The following FREM2 variants were observed in gnomAD, a reference collection of about 807,000 sequenced individuals.
FREM2 encodes FRAS1-related extracellular matrix protein 2.
A neutral mutation model predicts 219.9 loss-of-function variants in FREM2; 119 were observed. The observed-to-expected ratio is 0.54, with a 90% confidence interval of 0.47 to 0.63. FREM2 has a LOEUF of 0.63. FREM2 is among the 30% of genes least tolerant of loss of function. FREM2 has a pLI of 0.00. For missense variants in FREM2, 4,030 were observed against 3,993.6 expected, an observed-to-expected ratio of 1.01 and a Z score of -0.25; for synonymous variants, 1,562 against 1,522.8, an observed-to-expected ratio of 1.03 and a Z score of -0.60.
At chr13:38,875,131 C>T (rs1218411366) in intron 18 of FREM2, among the ~76,000 whole-genome samples, 1 of 149,862 alleles carries the variant, frequency 6.7e-6, no homozygotes, top group Admixed American at 6.7e-5. Flanking sequence ...TCGATAAAAT[C>T]CCACGTCTAA....
Position 38,690,049 on chromosome 13 carries a change from A to G in FREM2, c.2705A>G (p.Tyr902Cys), listed in dbSNP as rs1370199338. Residue 902 changes from tyrosine (Y) to cysteine (C), a missense_variant, in exon 1 of 24, where the codon TAT (tyrosine) becomes TGT (cysteine). Physicochemically the swap from Tyr to Cys is radical, Grantham distance 194. Coordinates refer to ENST00000280481, the MANE Select transcript of FREM2 (RefSeq NM_207361.6). The part of the protein sequence containing the change: ...LEDIKQGRVS[Y>C]AHNGDKSLTD... ...GACATAAAACAGGGCCGAGTTTCCT[A>G]TGCCCATAATGGGGACAAGTCCCTG... 11 of 1,613,798 alleles carry G rather than the reference A, an allele frequency of 6.8e-6. No homozygotes were observed. In the Admixed American group the frequency reaches 1.2e-4, roughly 17 times the overall value.
rs1878655999 is a variant in FREM2 at position 38,884,317 on chromosome 13, A to G, written c.*3530A>G. The G allele has an allele frequency of 6.6e-6, 1 of 152,204 alleles. No homozygotes were observed. Among genetic ancestry groups the G allele is most frequent in the African/African-American group, 2.4e-5 (1 of 41,450 alleles). The allele number at this position is 152,204 out of a possible 1,614,324, so 9.4% of individuals were successfully genotyped here. On this transcript the variant is annotated 3_prime_UTR_variant, in exon 24 of 24. Coordinates refer to ENST00000280481, the MANE Select transcript of FREM2 (RefSeq NM_207361.6). ...AAAATGTAAATGGACCTGTGTAAAT[A>G]TCACAGAGAGCTTTTCCTTATACAT...
At chr13:38,692,793 A>C (rs996280366) in intron 1 of FREM2, among the ~76,000 whole-genome samples, 1 of 152,210 alleles carries the variant, frequency 6.6e-6, no homozygotes, top group Admixed American at 6.5e-5. Flanking sequence ...ATTAAAATCG[A>C]AGCAGGCTTT....
chr13:38,735,130 TG>T (rs1465376107), intron 2 of FREM2, among the ~76,000 whole-genome samples: 1 of 152,216 alleles, frequency 6.6e-6, no homozygotes, highest in East Asian at 1.9e-4. Context: ...GCATTCGATC[TG>T]GGGTGATATG....
chr13:38,864,240 G>A (rs1593452645), intron 15 of FREM2, 35 bp from the exon 16 acceptor site: 1 of 1,544,798 alleles, frequency 6.5e-7, no homozygotes, highest in Non-Finnish European at 9.0e-7. Flanking sequence ...TTGGCTACTT[G>A]AAAGACTGTT....
In FREM2 at chr13:38,878,892, T is replaced by C; in HGVS notation, c.8921T>C (p.Leu2974Pro). ...SFGNVLFNAK[L>P]AVDDPEAILL... ...GGAAATGTCCTATTTAATGCCAAAC[T>C]AGCAGTGGATGACCCTGAAGCCATT... The change falls in exon 23 of 24, where the codon CTA (leucine) becomes CCA (proline). Residue 2974 changes from leucine (L) to proline (P), a missense_variant. Leu to Pro is a moderately conservative substitution (Grantham distance 98, BLOSUM62 -3). This residue lies in a region of FREM2 where 928 missense variants were observed against 1,042.9 expected (regional missense o/e 0.89). Coordinates refer to ENST00000280481, the MANE Select transcript of FREM2 (RefSeq NM_207361.6). 6.2e-7 allele frequency: 1 copy of C among 1,614,034 alleles called. No individual in the cohort carries two copies. Among genetic ancestry groups the C allele is most frequent in the Non-Finnish European group, 8.5e-7 (1 of 1,179,888 alleles).
At position 38,875,961 on chromosome 13, in the gene FREM2, T is replaced by C. The variant is rs189981978; in HGVS notation, c.8282-61T>C. On this transcript the variant is annotated intron_variant, in intron 18 of 23. Coordinates refer to ENST00000280481, the MANE Select transcript of FREM2 (RefSeq NM_207361.6). ...ATCATTTATTTTGAAAACTCTAAACTGTTATGCACTCTTTTAATTGAACCA... is the reference window on the plus strand; with the variant it reads ...ATCATTTATTTTGAAAACTCTAAACCGTTATGCACTCTTTTAATTGAACCA... The C allele has an allele frequency of 5.6e-5, 80 of 1,434,528 alleles. 1 individual carries two copies. In the Admixed American group the frequency reaches 9.7e-4, roughly 17 times the overall value. 88.9% of individuals were successfully genotyped at this position (1,434,528 alleles called of 1,614,324 possible).
rs143661642 is a variant in FREM2, at chr13:38,801,807, G to A, written c.6019+16999G>A. 9.8e-5 allele frequency among the ~76,000 whole-genome samples: 15 copies of A among 152,288 alleles called. No individual in the cohort carries two copies. The East Asian group carries it at 2.1e-3, about 22-fold the overall frequency. On this transcript the variant is annotated intron_variant, in intron 6 of 23. Coordinates refer to ENST00000280481, the MANE Select transcript of FREM2 (RefSeq NM_207361.6). ...TTAGTGGGTCATGGTGGCCCAGTTC[G>A]TTGGCTTTCATGTGGCTTGCTCAGA... is the stretch of plus-strand genomic sequence containing the variant.
At chr13:38,707,677 A>T (rs550239508) in intron 2 of FREM2, among the ~76,000 whole-genome samples, 1 of 152,334 alleles carries the variant, frequency 6.6e-6, no homozygotes, top group African/African-American at 2.4e-5. Context: ...TTTTAAGAAT[A>T]GTTCAAGAGT....
At chr13:38,814,888 G>A (rs1875700466) in intron 6 of FREM2, among the ~76,000 whole-genome samples, 1 of 152,200 alleles carries the variant, frequency 6.6e-6, no homozygotes, top group Non-Finnish European at 1.5e-5. Context: ...CACCACCAAT[G>A]TTGGCATAAA....
chr13:38,760,948 T>C (rs1276552194), intron 2 of FREM2, among the ~76,000 whole-genome samples: 8 of 152,072 alleles, frequency 5.3e-5, no homozygotes, highest in Non-Finnish European at 1.5e-5. Context: ...TGCTGTTTTA[T>C]AAAAACTGAA....
intron 6 of FREM2, among the ~76,000 whole-genome samples, chr13:38,842,913 TG>T (rs1485684179): frequency 6.6e-6 from 1 of 152,194 alleles, no homozygotes; most frequent in Admixed American, 6.5e-5. Context: ...TCCCCAACCT[TG>T]AGAAGCGCAT....
chr13:38,732,633 G>A (rs1230046107), intron 2 of FREM2, among the ~76,000 whole-genome samples: 1 of 152,188 alleles, frequency 6.6e-6, no homozygotes, highest in Admixed American at 6.6e-5. Flanking sequence ...CTGCTTACAT[G>A]TGGTGCCCCG....
chr13:38,854,339 G>T (rs1440970957), intron 11 of FREM2, among the ~76,000 whole-genome samples: 1 of 151,996 alleles, frequency 6.6e-6, no homozygotes, highest in Non-Finnish European at 1.5e-5. Flanking sequence ...ACAAAACCTT[G>T]AATGCTTACA....
intron 6 of FREM2, among the ~76,000 whole-genome samples, chr13:38,817,286 C>T (rs1180215850): frequency 6.6e-6 from 1 of 152,076 alleles, no homozygotes; most frequent in Non-Finnish European, 1.5e-5. Context: ...AAGCTGGAAG[C>T]TTCATACTAC....
At chr13:38,862,820 T>G (rs918710505) in intron 15 of FREM2, among the ~76,000 whole-genome samples, 2 of 152,216 alleles carry the variant, frequency 1.3e-5, no homozygotes, top group African/African-American at 4.8e-5. Flanking sequence ...AAGTCTACTT[T>G]TGAGACATAA....
chr13:38,859,399 C>G lies in FREM2; in HGVS notation c.7328C>G (p.Pro2443Arg). 1 of 1,614,210 alleles carries G rather than the reference C, an allele frequency of 6.2e-7. No individual in the cohort carries two copies. The highest frequency in any genetic ancestry group is 1.1e-5 in the South Asian group (1 of 91,086). The change falls in exon 14 of 24, where the codon CCT (proline) becomes CGT (arginine). Residue 2443 changes from proline (P) to arginine (R), a missense_variant. Pro to Arg is a moderately radical substitution (Grantham distance 103). Around this residue, in one of 2 missense-constraint regions of FREM2, gnomAD observed 928 missense variants for 1,042.9 expected, o/e 0.89. Transcript: ENST00000280481. The stretch of plus-strand genomic sequence containing the variant: ...TGGCTGATTAGTGCACCTGCGGGCC[C>G]TGACGGTGTGACCAGCCCTATGAGA... ...YRWLISAPAG[P>R]DGVTSPMREV...
rs141317942 is a variant in FREM2, at chr13:38,818,071, C to T, written c.6020-28502C>T. ...GAATGTGGAGAAAAGGGAACACTGA[C>T]GTACTGTTGGTGAGGTTGTAAGCTA... On this transcript the variant is annotated intron_variant, in intron 6 of 23. Coordinates refer to ENST00000280481, the MANE Select transcript of FREM2 (RefSeq NM_207361.6). Among the ~76,000 whole-genome samples, 227 of 152,162 alleles carry T rather than the reference C, an allele frequency of 1.5e-3. 1 individual carries two copies. The highest frequency in any genetic ancestry group is 5.1e-3 in the African/African-American group (213 of 41,534).
chr13:38,767,161 A>C (rs1428822398), intron 3 of FREM2, among the ~76,000 whole-genome samples: 1 of 152,174 alleles, frequency 6.6e-6, no homozygotes, highest in African/African-American at 2.4e-5. Flanking sequence ...TAAGTTAATA[A>C]CTTGCCTACG....
Sources: gnomAD v4.1 joint callset for allele counts (sites outside exome capture counted in the v4.1 genomes callset) on GRCh38, gnomAD v4.1.1 for gene constraint, gnomAD v4.1.1 regional missense constraint, MANE v1.5 for transcripts, NCBI Gene and HGNC (gene_info 2026-07-23, HGNC 2026-07-21) for gene names.